The following HDAC7 variants were observed in gnomAD, a reference collection of about 807,000 sequenced individuals.
The protein encoded by HDAC7 is histone deacetylase 7A.
A neutral mutation model predicts 115.5 loss-of-function variants in HDAC7; 26 were observed. The observed-to-expected ratio is 0.23, with a 90% CI of 0.16 to 0.31. HDAC7 has a LOEUF of 0.31. Ranked by LOEUF, HDAC7 falls within the 10% of genes least tolerant of loss-of-function variation. HDAC7 has a pLI of 1.00. For missense variants in HDAC7, 1,068 were observed against 1,329.0 expected, an observed-to-expected ratio of 0.80 and a Z score of 3.05; for synonymous variants, 564 against 550.9, an observed-to-expected ratio of 1.02 and a Z score of -0.33.
intron 16 of HDAC7, 24 bp downstream of exon 16, chr12:47,791,235 C>G (rs375102391): frequency 1.3e-6 from 2 of 1,585,868 alleles, no homozygotes; most frequent in Non-Finnish European, 1.7e-6. Context: ...GCAACGCCCC[C>G]CTGAGACCCC....
At chr12:47,802,957 G>A (rs1443732454) in intron 1 of HDAC7, among the ~76,000 whole-genome samples, 1 of 152,210 alleles carries the variant, frequency 6.6e-6, no homozygotes, top group Non-Finnish European at 1.5e-5. Context: ...ATGTCCTGCT[G>A]CCTGTTTCCT....
At chr12:47,784,715 A>T in intron 24 of HDAC7, 1 of 1,535,436 alleles carries the variant, frequency 6.5e-7, no homozygotes, top group Non-Finnish European at 8.7e-7. Context: ...GCCGCTCTGC[A>T]TGGGTGCCCA....
Position 47,795,711 on chromosome 12 carries a change from C to G in HDAC7, c.963G>C (p.Gly321=). The change falls in exon 10 of 26, where the codon GGG becomes GGC. Residue 321 remains glycine, a synonymous_variant. Transcript: ENST00000080059. The surrounding 1 kb of genome is among the most constrained non-coding windows in gnomAD (Gnocchi z 4.3). ...GCAGGAAGAGGGGAGTGTGGGGGCT[C>G]CCCAGGATTGGCCCCCGAGGGCCCA... ...PTLGPRGPIL[G]SPHTPLFLPH... 6.5e-7 allele frequency: 1 copy of G among 1,548,876 alleles called. No individual in the cohort carries two copies. The highest frequency in any genetic ancestry group is 1.2e-5 in the South Asian group (1 of 83,678).
chr12:47,787,009 A>G (rs1210601861), intron 21 of HDAC7, among the ~76,000 whole-genome samples: 2 of 152,206 alleles, frequency 1.3e-5, no homozygotes, highest in East Asian at 1.9e-4. Flanking sequence ...GTGTGTGTGC[A>G]TGCAAGCATC....
chr12:47,813,681 G>A (rs1003468375), intron 1 of HDAC7, among the ~76,000 whole-genome samples: 1 of 109,154 alleles, frequency 9.2e-6, no homozygotes, highest in Non-Finnish European at 2.5e-5. Context: ...TCCTGACGAG[G>A]AGAAGTCCCC....
Position 47,791,988 on chromosome 12 carries a change from C to G in HDAC7, c.1695G>C (p.Ser565=), listed in dbSNP as rs141698003. ...LPFTTGLIYD[S]VMLKHQCSCG... is the part of the protein sequence containing the mutation. The stretch of plus-strand genomic sequence containing the variant: ...AGGAGCACTGGTGCTTCAGCATGAC[C>G]GAGTCATAGATCAGCCCTGCAGGAG... The change falls in exon 14 of 26, where the codon TCG becomes TCC. Residue 565 remains serine, a synonymous_variant. Transcript: ENST00000080059. 1.4e-5 allele frequency: 23 copies of G among 1,609,784 alleles called. No homozygotes were observed. The African/African-American group carries it at 2.9e-4, about 21-fold the overall frequency.
chr12:47,812,277 G>A (rs953690939), intron 1 of HDAC7, among the ~76,000 whole-genome samples: 2 of 152,216 alleles, frequency 1.3e-5, no homozygotes, highest in Admixed American at 6.5e-5. Context: ...GTTCCAGGCC[G>A]CGATGGGTGG....
chr12:47,784,693 ACCATCACCACGGCCG>A, intron 24 of HDAC7: 1 of 1,533,660 alleles, frequency 6.5e-7, no homozygotes, highest in Non-Finnish European at 8.7e-7. Context: ...GGGAGAACTG[ACCATCACCACGGCCG>A]CTCTGCATGG....
chr12:47,801,609 A>AT (rs1944168249), intron 2 of HDAC7, among the ~76,000 whole-genome samples: 1 of 152,184 alleles, frequency 6.6e-6, no homozygotes, highest in Non-Finnish European at 1.5e-5. Flanking sequence ...ATCAGGCTGT[A>AT]TATCTTGCAC....
intron 17 of HDAC7, 30 bp from the exon 18 acceptor site, chr12:47,789,608 A>G: frequency 6.2e-7 from 1 of 1,612,948 alleles, no homozygotes; most frequent in African/African-American, 1.3e-5. Flanking sequence ...TTGTCAATCA[A>G]CAGACAGCTC....
Position 47,793,525 on chromosome 12 carries a change from C to A in HDAC7, c.1522G>T (p.Val508Leu), listed in dbSNP as rs1943647100. ...CCACCCTGGGCCAGAGGAAGCAGCA[C>A]AGTGTCCCCGGTGCTGCCCCGGGGG... The part of the protein sequence containing the change: ...RLPRGSTGDT[V>L]LLPLAQGGHR... The change falls in exon 13 of 26, where the codon GTG becomes TTG. Residue 508 changes from valine (V) to leucine (L), a missense_variant. Coordinates refer to ENST00000080059, the MANE Select transcript of HDAC7 (RefSeq NM_015401.5). This position sits in a 1 kb window ranked among gnomAD's most constrained non-coding sequence, Gnocchi z 4.5. The A allele has an allele frequency of 1.3e-6, 2 of 1,548,572 alleles. No homozygotes were observed. Among genetic ancestry groups the A allele is most frequent in the Non-Finnish European group, 1.7e-6 (2 of 1,146,962 alleles).
chr12:47,795,724 C>A lies in HDAC7; in HGVS notation c.950G>T (p.Gly317Val). The A allele has an allele frequency of 1.3e-6, 2 of 1,545,788 alleles. No homozygotes were observed. Among genetic ancestry groups the A allele is most frequent in the East Asian group, 2.4e-5 (1 of 40,986 alleles). Residue 317 changes from glycine to valine, a missense_variant, in exon 10 of 26, where the codon GGG (glycine) becomes GTG (valine). Gly to Val is a moderately radical substitution (Grantham distance 109, BLOSUM62 -3). Around this residue, in one of 6 missense-constraint regions of HDAC7, gnomAD observed 618 missense variants for 701.5 expected, o/e 0.88. Coordinates refer to ENST00000080059, the MANE Select transcript of HDAC7 (RefSeq NM_015401.5). This position sits in a 1 kb window ranked among gnomAD's most constrained non-coding sequence, Gnocchi z 4.3. ...RRTHPTLGPR[G>V]PILGSPHTPL... The stretch of plus-strand genomic sequence containing the variant: ...AGTGTGGGGGCTCCCCAGGATTGGC[C>A]CCCGAGGGCCCAGAGTCGGATGGGT...
chr12:47,798,917 C>T lies in HDAC7; in HGVS notation c.126G>A (p.Leu42=). Residue 42 remains leucine (L), a synonymous_variant, in exon 3 of 26, where the codon CTG becomes CTA. Transcript: ENST00000080059. The surrounding 1 kb of genome is among the most constrained non-coding windows in gnomAD (Gnocchi z 4.3). ...TPGPQPQPMD[L]RVGQRPPVEP... is the part of the protein sequence containing the mutation. ...CCACTGGGGGCCGCTGGCCCACCCG[C>T]AGGTCCATGGGCTGCGGCTGAGGGC... 2.6e-6 allele frequency: 4 copies of T among 1,533,958 alleles called. No homozygotes were observed. The highest frequency in any genetic ancestry group is 3.5e-6 in the Non-Finnish European group (4 of 1,144,874).
At chr12:47,808,173 G>T (rs1263430711) in intron 1 of HDAC7, among the ~76,000 whole-genome samples, 4 of 152,208 alleles carry the variant, frequency 2.6e-5, no homozygotes, top group African/African-American at 4.8e-5. Flanking sequence ...GGCAGCTGGG[G>T]CCCTGAGGCA....
At chr12:47,813,596 T>A (rs2137066437) in intron 1 of HDAC7, 1 of 152,506 alleles carries the variant, frequency 6.6e-6, no homozygotes, top group African/African-American at 2.4e-5. Context: ...GGGTTTACAA[T>A]CCCTGCAGGC....
At position 47,788,031 on chromosome 12, in the gene HDAC7, T is replaced by C; in HGVS notation, c.2355+14A>G. On this transcript the variant is annotated intron_variant, in intron 20 of 25. Coordinates refer to ENST00000080059, the MANE Select transcript of HDAC7 (RefSeq NM_015401.5). ...TCAATGAGGCTGGAAGATGTGGCCCTGACATGCGGTTACCTCATCCACAGC... is the reference window on the plus strand; with the variant it reads ...TCAATGAGGCTGGAAGATGTGGCCCCGACATGCGGTTACCTCATCCACAGC... 1 of 1,605,176 alleles carries C rather than the reference T, an allele frequency of 6.2e-7. No individual in the cohort carries two copies. The highest frequency in any genetic ancestry group is 8.5e-7 in the Non-Finnish European group (1 of 1,175,038).
chr12:47,798,024 G>A lies in HDAC7; in HGVS notation c.461+84C>T. The A allele has an allele frequency of 3.1e-6, 3 of 962,354 alleles. No homozygotes were observed. Among genetic ancestry groups the A allele is most frequent in the Non-Finnish European group, 5.1e-6 (3 of 589,112 alleles). 59.6% of individuals were successfully genotyped at this position (962,354 alleles called of 1,614,324 possible). A position where few individuals can be genotyped will look rare whatever the true frequency, so the allele number is the denominator to read the frequency against. ...GTTGTGGCAACTGGGGAGGAAGGAG[G>A]CAAGTGTGTGTGCTCATGGCTAACA... On this transcript the variant is annotated intron_variant, in intron 5 of 25. Coordinates refer to ENST00000080059, the MANE Select transcript of HDAC7 (RefSeq NM_015401.5). The surrounding 1 kb of genome is among the most constrained non-coding windows in gnomAD (Gnocchi z 4.3).
Position 47,795,733 on chromosome 12 carries a change from C to A in HDAC7, c.941G>T (p.Gly314Val), listed in dbSNP as rs756440744. 6.5e-6 allele frequency: 10 copies of A among 1,543,998 alleles called. No homozygotes were observed. The African/African-American group carries it at 1.4e-4, about 21-fold the overall frequency. Residue 314 changes from glycine to valine, a missense_variant, in exon 10 of 26, where the codon GGC becomes GTC. Coordinates refer to ENST00000080059, the MANE Select transcript of HDAC7 (RefSeq NM_015401.5). This position sits in a 1 kb window ranked among gnomAD's most constrained non-coding sequence, Gnocchi z 4.3. ...GCTCCCCAGGATTGGCCCCCGAGGG[C>A]CCAGAGTCGGATGGGTCCTGCGGTC... is the stretch of plus-strand genomic sequence containing the variant. ...DSDRRTHPTL[G>V]PRGPILGSPH...
At chr12:47,791,067 A>C in intron 16 of HDAC7, 192 bp downstream of exon 16, 2 of 624,672 alleles carry the variant, frequency 3.2e-6, no homozygotes, top group South Asian at 1.9e-5. Flanking sequence ...TTCGGGGGAG[A>C]CTGTGGGTCC....
Sources: gnomAD v4.1 joint callset for allele counts (sites outside exome capture counted in the v4.1 genomes callset) on GRCh38, gnomAD v4.1.1 for gene constraint, gnomAD v4.1.1 regional missense constraint, Gnocchi (gnomAD v3.1) non-coding constraint, MANE v1.5 for transcripts, NCBI Gene and HGNC (gene_info 2026-07-23, HGNC 2026-07-21) for gene names.